HRNR: variants seen among roughly 807,000 people sequenced by gnomAD.
The protein encoded by HRNR is hornerin.
A neutral mutation model predicts 4.8 loss-of-function variants in HRNR; 7 were observed. That is an observed-to-expected ratio of 1.47 (90% CI 0.83 to 2.75). The LOEUF (loss-of-function observed/expected upper bound fraction) is 2.75, where lower values mean the gene tolerates loss of function less well. Ranked by LOEUF, HRNR falls within the 30% of genes most tolerant of loss-of-function variation. HRNR has a pLI of 0.00. For synonymous variants in HRNR, 1,023 were observed against 1,242.7 expected (o/e 0.82, Z 3.72); for missense variants, 2,879 against 3,010.4 (o/e 0.96, Z 1.02).
rs1298976326 is a variant in HRNR at position 152,212,116 on chromosome 1, T to A, written c.*960A>T. 6.6e-6 allele frequency: 1 copy of A among 152,188 alleles called. No individual in the cohort carries two copies. The highest frequency in any genetic ancestry group is 1.9e-4 in the East Asian group (1 of 5,198). The allele number at this position is 152,188 out of a possible 1,614,324, so 9.4% of individuals were successfully genotyped here. A position where few individuals can be genotyped will look rare whatever the true frequency, so the allele number is the denominator to read the frequency against. On this transcript the variant is annotated 3_prime_UTR_variant, in exon 3 of 3. Transcript: ENST00000368801. ...TTATTTATTGTCAATTTTAATACAA[T>A]CCGGTTGTTTGAATCCAAAGACTTG...
Position 152,218,699 on chromosome 1 carries a change from G to T in HRNR, c.2930C>A (p.Ser977Ter), listed in dbSNP as rs1030375823. 9.9e-6 allele frequency: 16 copies of T among 1,613,912 alleles called. No individual in the cohort carries two copies. The highest frequency in any genetic ancestry group is 1.4e-5 in the Non-Finnish European group (16 of 1,180,038). ...CTGACCATAGCTGGAAGACGAACCT[G>T]AGCTAGATCCATGTTGTTCGCTCCT... is the stretch of plus-strand genomic sequence containing the variant. ...SSRSEQHGSS[S>*]GSSSSYGQHG... The change falls in exon 3 of 3, where the codon TCA becomes TAA. Residue 977 changes from serine (S) to a stop codon, truncating the protein, a stop_gained. Transcript: ENST00000368801. LOFTEE classifies it low-confidence loss of function (END_TRUNC).
Position 152,219,894 on chromosome 1 carries a change from C to A in HRNR, c.1735G>T (p.Gly579Cys). 1 of 1,613,862 alleles carries A rather than the reference C, an allele frequency of 6.2e-7. No homozygotes were observed. Among genetic ancestry groups the A allele is most frequent in the African/African-American group, 1.3e-5 (1 of 74,930 alleles). The stretch of plus-strand genomic sequence containing the variant: ...TGGTGACCTAAGCCAGAAGAGTGAC[C>A]GGAGCCAGACTCATATGGGCCACGG... ...SSRGPYESGS[G>C]HSSGLGHQES... The change falls in exon 3 of 3, where the codon GGT becomes TGT. Residue 579 changes from glycine to cysteine, a missense_variant. Physicochemically the swap from Gly to Cys is radical, Grantham distance 159. Transcript: ENST00000368801.
rs540364101 is a variant in HRNR, at chr1:152,221,008, T to C, written c.621A>G (p.Gln207=). ...AAGACTGTCCGGAGCCAGAGCCGTG[T>C]TGGCCATAGTTGGGAGACTGCCCTG... ...SGSGQSPNYG[Q]HGSGSGQSSS... The change falls in exon 3 of 3, where the codon CAA becomes CAG. Residue 207 remains glutamine, a synonymous_variant. Coordinates refer to ENST00000368801, the MANE Select transcript of HRNR (RefSeq NM_001009931.3). The C allele has an allele frequency of 6.2e-7, 1 of 1,614,212 alleles. No individual in the cohort carries two copies. The highest frequency in any genetic ancestry group is 1.3e-5 in the African/African-American group (1 of 75,066).
rs771531396 is a variant in HRNR, at chr1:152,220,180, A to C, written c.1449T>G (p.Ser483=). 1.2e-6 allele frequency: 2 copies of C among 1,613,238 alleles called. No homozygotes were observed. The highest frequency in any genetic ancestry group is 2.2e-5 in the East Asian group (1 of 44,838). The change falls in exon 3 of 3, where the codon TCT becomes TCG. Residue 483 remains serine, a synonymous_variant. Transcript: ENST00000368801. ...EHSSGYTQHG[S]GSGHSSGHGQ... is the part of the protein sequence containing the mutation. ...CGTGGCCGGAGGAGTGACCTGAGCC[A>C]GATCCATGCTGAGTGTAACCAGAGG... is the stretch of plus-strand genomic sequence containing the variant.
chr1:152,218,704 A>T lies in HRNR; in HGVS notation c.2925T>A (p.Ser975=), dbSNP rs376480121. ...GQSSRSEQHG[S]SSGSSSSYGQ... ...CATAGCTGGAAGACGAACCTGAGCTAGATCCATGTTGTTCGCTCCTAGATG... is the reference window on the plus strand; with the variant it reads ...CATAGCTGGAAGACGAACCTGAGCTTGATCCATGTTGTTCGCTCCTAGATG... Residue 975 remains serine (S), a synonymous_variant, in exon 3 of 3, where the codon TCT becomes TCA. Coordinates refer to ENST00000368801, the MANE Select transcript of HRNR (RefSeq NM_001009931.3). The T allele has an allele frequency of 9.3e-6, 15 of 1,613,870 alleles. No homozygotes were observed. The highest frequency in any genetic ancestry group is 1.2e-5 in the Non-Finnish European group (14 of 1,180,018).
chr1:152,212,943 A>T lies in HRNR; in HGVS notation c.*133T>A. On this transcript the variant is annotated 3_prime_UTR_variant, in exon 3 of 3. Coordinates refer to ENST00000368801, the MANE Select transcript of HRNR (RefSeq NM_001009931.3). ...ATGCTACAGTTTTAGGCTCTAAAGA[A>T]AGAGACAGAAATGCATTGATTCACT... 1 of 1,238,988 alleles carries T rather than the reference A, an allele frequency of 8.1e-7. No homozygotes were observed. The highest frequency in any genetic ancestry group is 1.1e-6 in the Non-Finnish European group (1 of 904,892). The allele number at this position is 1,238,988 out of a possible 1,614,324, so 76.7% of individuals were successfully genotyped here. A position where few individuals can be genotyped will look rare whatever the true frequency, so the allele number is the denominator to read the frequency against.
At position 152,218,386 on chromosome 1, in the gene HRNR, A is replaced by T; in HGVS notation, c.3243T>A (p.Ser1081=). The change falls in exon 3 of 3, where the codon TCT becomes TCA. Residue 1081 remains serine, a synonymous_variant. Coordinates refer to ENST00000368801, the MANE Select transcript of HRNR (RefSeq NM_001009931.3). Reference sequence around the variant, plus strand: ...CACAGCTCGATGACTGTCCTGATGTAGAACCGTGTTGCCCATGGGTAGAGG... The same window carrying T: ...CACAGCTCGATGACTGTCCTGATGTTGAACCGTGTTGCCCATGGGTAGAGG... ...GHSSTHGQHG[S]TSGQSSSCGQ... is the part of the protein sequence containing the mutation. 1.9e-6 allele frequency: 3 copies of T among 1,612,734 alleles called. No individual in the cohort carries two copies. Among genetic ancestry groups the T allele is most frequent in the Non-Finnish European group, 2.5e-6 (3 of 1,179,938 alleles).
Position 152,213,283 on chromosome 1 carries a change from A to T in HRNR, c.8346T>A (p.Ser2782=). 7 of 1,481,938 alleles carry T rather than the reference A, an allele frequency of 4.7e-6. 1 individual carries two copies. The highest frequency in any genetic ancestry group is 1.5e-5 in the African/African-American group (1 of 67,808). 91.8% of individuals were successfully genotyped at this position (1,481,938 alleles called of 1,614,324 possible). The change falls in exon 3 of 3, where the codon TCT becomes TCA. Residue 2782 remains serine (S), a synonymous_variant. Coordinates refer to ENST00000368801, the MANE Select transcript of HRNR (RefSeq NM_001009931.3). ...HGRHGSGSGQ[S]SSYGQHGSGS... is the part of the protein sequence containing the mutation. ...CAGACCCATGTTGGCCGTAGCTGGA[A>T]GACTGCCCTGAACCAGACCCGTGTC...
chr1:152,218,370 A>G lies in HRNR; in HGVS notation c.3259T>C (p.Ser1087Pro). ...CTAGCTCCATGTTGGCCACAGCTCG[A>G]TGACTGTCCTGATGTAGAACCGTGT... Reference protein sequence around the residue: ...GQHGSTSGQSSSCGQHGASSG... With the variant: ...GQHGSTSGQSPSCGQHGASSG... The change falls in exon 3 of 3, where the codon TCG (serine) becomes CCG (proline). Residue 1087 changes from serine (S) to proline (P), a missense_variant. Ser to Pro is a moderately conservative substitution (Grantham distance 74). Transcript: ENST00000368801. The G allele has an allele frequency of 3.1e-6, 5 of 1,612,166 alleles. No homozygotes were observed. Among genetic ancestry groups the G allele is most frequent in the South Asian group, 1.1e-5 (1 of 91,024 alleles).
chr1:152,219,416 C>G lies in HRNR; in HGVS notation c.2213G>C (p.Arg738Thr), dbSNP rs754063048. 4 of 1,614,124 alleles carry G rather than the reference C, an allele frequency of 2.5e-6. No individual in the cohort carries two copies. Among genetic ancestry groups the G allele is most frequent in the African/African-American group, 1.3e-5 (1 of 75,008 alleles). The change falls in exon 3 of 3, where the codon AGG becomes ACG. Residue 738 changes from arginine to threonine, a missense_variant. Physicochemically the swap from Arg to Thr is moderately conservative, Grantham distance 71. This residue lies in a region of HRNR where 2,646 missense variants were observed against 1,377.7 expected (regional missense o/e 1.92). Coordinates refer to ENST00000368801, the MANE Select transcript of HRNR (RefSeq NM_001009931.3). ...KHGSRSGQSS[R>T]SEQHGSSSGL... is the part of the protein sequence containing the mutation. ...TGAGCTAGATCCGTGTTGTTCACTCCTAGATGACTGTCCTGACCTAGAGCC... is the reference window on the plus strand; with the variant it reads ...TGAGCTAGATCCGTGTTGTTCACTCGTAGATGACTGTCCTGACCTAGAGCC...
rs747293447 is a variant in HRNR, at chr1:152,219,673, C to T, written c.1956G>A (p.Gln652=). The T allele has an allele frequency of 1.9e-6, 3 of 1,612,160 alleles. No homozygotes were observed. The highest frequency in any genetic ancestry group is 8.5e-7 in the Non-Finnish European group (1 of 1,179,298). Residue 652 remains glutamine (Q), a synonymous_variant, in exon 3 of 3, where the codon CAG becomes CAA. Transcript: ENST00000368801. ...GSSQSSRYGQ[Q]GSGSGQSPSR... Reference sequence around the variant, plus strand: ...TAGGAGACTGGCCAGATCCAGAGCCCTGTTGGCCATAGCGAGAAGACTGAC... The same window carrying T: ...TAGGAGACTGGCCAGATCCAGAGCCTTGTTGGCCATAGCGAGAAGACTGAC...
chr1:152,213,198 AAT>A lies in HRNR; in HGVS notation c.8429_8430del (p.Tyr2810PhefsTer8), dbSNP rs762043427. ...TGGTTACTTCCTCCTTTGCAATAAG[AAT>A]ACCCATCTTGCCCTGAGCCACTTCC... Reference protein sequence around the residue: ...QHGSGSGQDGYSYCKGGSNHD... With the variant: ...QHGSGSGQDGXSYCKGGSNHD... On this transcript the variant is annotated frameshift_variant, in exon 3 of 3. Coordinates refer to ENST00000368801, the MANE Select transcript of HRNR (RefSeq NM_001009931.3). LOFTEE classifies it low-confidence loss of function (END_TRUNC). 12 of 1,614,056 alleles carry A rather than the reference AAT, an allele frequency of 7.4e-6. No homozygotes were observed. The highest frequency in any genetic ancestry group is 3.3e-5 in the Admixed American group (2 of 60,014).
rs746846065 is a variant in HRNR at position 152,218,467 on chromosome 1, C to G, written c.3162G>C (p.Glu1054Asp). The change falls in exon 3 of 3, where the codon GAG becomes GAC. Residue 1054 changes from glutamate to aspartate, a missense_variant. Physicochemically the swap from Glu to Asp is conservative, Grantham distance 45. Around this residue, in one of 8 missense-constraint regions of HRNR, gnomAD observed 2,646 missense variants for 1,377.7 expected, o/e 1.92. Transcript: ENST00000368801. The stretch of plus-strand genomic sequence containing the variant: ...AGCCAGAGGACTGTCCTGAGCGAGA[C>G]TCTCGGTGACCTAAGCCAGAAGAGT... ...SGHSSGLGHR[E>D]SRSGQSSGYG... 7 of 1,613,748 alleles carry G rather than the reference C, an allele frequency of 4.3e-6. No homozygotes were observed. In the South Asian group the frequency reaches 5.5e-5, roughly 13 times the overall value.
In HRNR at chr1:152,219,952, G is replaced by A. The variant is rs767345050; in HGVS notation, c.1677C>T (p.Gly559=). The change falls in exon 3 of 3, where the codon GGC becomes GGT. Residue 559 remains glycine (G), a synonymous_variant. Coordinates refer to ENST00000368801, the MANE Select transcript of HRNR (RefSeq NM_001009931.3). ...ESGSRQSSSY[G]PHGYGSGRSS... ...ACCTCCCTGAGCCATACCCATGTGG[G>A]CCATAGCTGGAAGACTGCCTGGAAC... is the stretch of plus-strand genomic sequence containing the variant. 6.2e-7 allele frequency: 1 copy of A among 1,613,144 alleles called. No homozygotes were observed. Among genetic ancestry groups the A allele is most frequent in the East Asian group, 2.2e-5 (1 of 44,806 alleles).
chr1:152,220,959 C>G lies in HRNR; in HGVS notation c.670G>C (p.Gly224Arg), dbSNP rs148451599. The G allele has an allele frequency of 1.9e-6, 3 of 1,612,478 alleles. No individual in the cohort carries two copies. Among genetic ancestry groups the G allele is most frequent in the Non-Finnish European group, 2.5e-6 (3 of 1,178,384 alleles). The change falls in exon 3 of 3, where the codon GGC becomes CGC. Residue 224 changes from glycine (G) to arginine (R), a missense_variant. By Grantham distance (125) the Gly-to-Arg change is moderately radical. Transcript: ENST00000368801. The part of the protein sequence containing the change: ...QSSSNDTHGS[G>R]SGQSSGFSQH... ...CTAAAGCCAGAAGACTGGCCTGAGCCAGACCCATGTGTGTCATTGCTGGAA... is the reference window on the plus strand; with the variant it reads ...CTAAAGCCAGAAGACTGGCCTGAGCGAGACCCATGTGTGTCATTGCTGGAA...
Position 152,221,299 on chromosome 1 carries a change from C to T in HRNR, c.330G>A (p.Glu110=). 1 of 1,613,904 alleles carries T rather than the reference C, an allele frequency of 6.2e-7. No individual in the cohort carries two copies. Among genetic ancestry groups the T allele is most frequent in the South Asian group, 1.1e-5 (1 of 91,062 alleles). ...KLRDDTHQHQ[E]EQEETEKEEN... The stretch of plus-strand genomic sequence containing the variant: ...CCTCTTTTTCAGTTTCTTCTTGTTC[C>T]TCTTGGTGCTGGTGAGTGTCATCTC... Residue 110 remains glutamate, a synonymous_variant, in exon 3 of 3, where the codon GAG becomes GAA. Transcript: ENST00000368801.
Position 152,220,885 on chromosome 1 carries a change from T to C in HRNR, c.744A>G (p.Gly248=), listed in dbSNP as rs747018029. Residue 248 remains glycine (G), a synonymous_variant, in exon 3 of 3, where the codon GGA becomes GGG. Coordinates refer to ENST00000368801, the MANE Select transcript of HRNR (RefSeq NM_001009931.3). ...SGQSSGYSQH[G]SGSGHSSGYG... ...AGCCAGAGGAGTGACCTGAGCCAGA[T>C]CCATGCTGACTGTAACCAGAGGACT... 5.2e-5 allele frequency: 84 copies of C among 1,613,436 alleles called. No homozygotes were observed. The highest frequency in any genetic ancestry group is 7.7e-5 in the South Asian group (7 of 91,050).
At position 152,223,279 on chromosome 1, in the gene HRNR, C is replaced by A; in HGVS notation, c.-25-1G>T. On this transcript the variant is annotated splice_acceptor_variant, in intron 1 of 2. Coordinates refer to ENST00000368801, the MANE Select transcript of HRNR (RefSeq NM_001009931.3). LOFTEE classifies it low-confidence loss of function (5UTR_SPLICE). Reference sequence around the variant, plus strand: ...TTTTTTTTTTGCAAGTTTGAGTAACCTAAAGGGAGGAAAAAGAGAGACCAA... The same window carrying A: ...TTTTTTTTTTGCAAGTTTGAGTAACATAAAGGGAGGAAAAAGAGAGACCAA... 2 of 1,594,278 alleles carry A rather than the reference C, an allele frequency of 1.3e-6. No individual in the cohort carries two copies. The highest frequency in any genetic ancestry group is 1.4e-5 in the African/African-American group (1 of 73,892).
At position 152,219,026 on chromosome 1, in the gene HRNR, C is replaced by T. The variant is rs141313202; in HGVS notation, c.2603G>A (p.Gly868Asp). 6.8e-6 allele frequency: 11 copies of T among 1,613,832 alleles called. No homozygotes were observed. Among genetic ancestry groups the T allele is most frequent in the Admixed American group, 5.0e-5 (3 of 59,980 alleles). ...GTGATGGGAGGCAGACTCATGCTGA[C>T]CATAGCTGGAAGATTGACCTGAGCT... Reference protein sequence around the residue: ...DSSSGQSSSYGQHESASHHAS... With the variant: ...DSSSGQSSSYDQHESASHHAS... The change falls in exon 3 of 3, where the codon GGT becomes GAT. Residue 868 changes from glycine (G) to aspartate (D), a missense_variant. This residue lies in a region of HRNR where 2,646 missense variants were observed against 1,377.7 expected (regional missense o/e 1.92). Transcript: ENST00000368801.
Sources: allele counts gnomAD v4.1 joint callset, GRCh38; gene constraint gnomAD v4.1.1; regional missense constraint gnomAD v4.1.1; transcripts MANE v1.5; gene names NCBI Gene and HGNC (gene_info 2026-07-23, HGNC 2026-07-21).